The following COL5A2 variants were observed in gnomAD, a reference collection of about 807,000 sequenced individuals.
The protein encoded by COL5A2 is collagen type V alpha 2 chain.
A neutral mutation model predicts 208.2 loss-of-function variants in COL5A2; 23 were observed. That is an observed-to-expected ratio of 0.11 (90% confidence interval 0.08 to 0.16). The LOEUF (loss-of-function observed/expected upper bound fraction) is 0.16, where lower values mean the gene tolerates loss of function less well. COL5A2 is among the 10% of genes least tolerant of loss of function. The probability of loss-of-function intolerance (pLI) is 1.00; values close to 1 mark genes in which losing one functional copy is unlikely to be tolerated. For synonymous variants in COL5A2, 625 were observed against 628.5 expected (o/e 0.99, Z 0.08); for missense variants, 1,590 against 1,956.4 (o/e 0.81, Z 3.53).
chr2:189,090,278 C>T (rs958096686), intron 7 of COL5A2, among the ~76,000 whole-genome samples: 1 of 152,100 alleles, frequency 6.6e-6, no homozygotes, highest in Admixed American at 6.6e-5. Context: ...TAGAGCAAGG[C>T]CCTAACCCTC....
intron 14 of COL5A2, 91 bp from the exon 15 acceptor site, chr2:189,079,198 CAAAGAGGACATATG>C: frequency 3.0e-6 from 3 of 989,950 alleles, no homozygotes; most frequent in Non-Finnish European, 4.8e-6. Context: ...AGCATATTTT[CAAAGAGGACATATG>C]AAAGATGTAC....
chr2:189,179,947 CT>C (rs1688752477), upstream of COL5A2: 2 of 514,502 alleles, frequency 3.9e-6, no homozygotes, highest in African/African-American at 3.8e-5. Flanking sequence ...TTTCATTTAA[CT>C]TTTAAGCATA....
the COL5A2 span, among the ~76,000 whole-genome samples, chr2:189,331,385 C>T: frequency 1.3e-5 from 2 of 152,042 alleles, no homozygotes; most frequent in African/African-American, 4.8e-5. Context: ...AAAAATTAGC[C>T]AGGCATGGTG....
the COL5A2 span, among the ~76,000 whole-genome samples, chr2:189,409,497 A>C: frequency 6.6e-6 from 1 of 152,112 alleles, no homozygotes; most frequent in Admixed American, 6.5e-5. Context: ...AATTATCGTT[A>C]GTTTGTCATT....
At chr2:189,174,229 G>A (rs950279717) in intron 1 of COL5A2, among the ~76,000 whole-genome samples, 5 of 152,292 alleles carry the variant, frequency 3.3e-5, no homozygotes, top group East Asian at 1.9e-4. Flanking sequence ...GGCCTGTAGC[G>A]ATAGTGCTCA....
chr2:189,340,537 C>A, the COL5A2 span, among the ~76,000 whole-genome samples: 1 of 152,200 alleles, frequency 6.6e-6, no homozygotes, highest in Non-Finnish European at 1.5e-5. Flanking sequence ...GTGTCTTCAA[C>A]CTTGGCCTAG....
At chr2:189,147,187 C>G (rs1481533157) in intron 1 of COL5A2, among the ~76,000 whole-genome samples, 1 of 152,144 alleles carries the variant, frequency 6.6e-6, no homozygotes, top group Non-Finnish European at 1.5e-5. Context: ...GTCCAAAATA[C>G]TGGATCAAAT....
intron 10 of COL5A2, 75 bp downstream of exon 10, chr2:189,085,640 GATAA>G: frequency 8.1e-7 from 1 of 1,238,366 alleles, no homozygotes; most frequent in Non-Finnish European, 1.2e-6. Flanking sequence ...GACCTGGGAA[GATAA>G]ATAACTCAAT....
the COL5A2 span, among the ~76,000 whole-genome samples, chr2:189,438,783 A>G: frequency 1.3e-5 from 2 of 152,216 alleles, no homozygotes; most frequent in African/African-American, 4.8e-5. Flanking sequence ...CAAAGAAAGC[A>G]GATTTTATTG....
Position 189,110,545 on chromosome 2 carries a change from A to G in COL5A2, c.98-96T>C. On this transcript the variant is annotated intron_variant, in intron 1 of 53. Coordinates refer to ENST00000374866, the MANE Select transcript of COL5A2 (RefSeq NM_000393.5). ...TCTTGTGGATTCTAAAAAATTCTGG[A>G]CTAAGAAGTAACCTTCCAAGGAGCC... 6 of 1,112,240 alleles carry G rather than the reference A, an allele frequency of 5.4e-6. No homozygotes were observed. In the South Asian group the frequency reaches 6.6e-5, roughly 12 times the overall value. 68.9% of individuals were successfully genotyped at this position (1,112,240 alleles called of 1,614,324 possible).
At chr2:189,200,621 TCA>T (rs1023667663) in intron 1 of COL5A2, among the ~76,000 whole-genome samples, 2 of 144,890 alleles carry the variant, frequency 1.4e-5, no homozygotes, top group Non-Finnish European at 3.0e-5. Context: ...ATATACTGAT[TCA>T]AGTAGCTCAG....
chr2:189,179,417 C>T, intron 1 of COL5A2, 91 bp downstream of exon 1: 1 of 1,440,130 alleles, frequency 6.9e-7, no homozygotes, highest in Non-Finnish European at 9.6e-7. Flanking sequence ...AAACCAGAAC[C>T]TCCTCTTCAC....
the COL5A2 span, among the ~76,000 whole-genome samples, chr2:189,419,401 T>C: frequency 2.4e-4 from 37 of 152,186 alleles, no homozygotes; most frequent in Non-Finnish European, 4.9e-4. Context: ...AGGAACAAGA[T>C]GTTAAAATTC....
the COL5A2 span, among the ~76,000 whole-genome samples, chr2:189,343,287 A>G: frequency 6.6e-6 from 1 of 152,106 alleles, no homozygotes; most frequent in East Asian, 1.9e-4. Context: ...TAAGGACAGA[A>G]ATTCTCTGGC....
the COL5A2 span, among the ~76,000 whole-genome samples, chr2:189,347,895 A>G: frequency 6.6e-6 from 1 of 152,222 alleles, no homozygotes; most frequent in Non-Finnish European, 1.5e-5. Context: ...GTCTTTTCAC[A>G]TCCTGTTTTT....
the COL5A2 span, among the ~76,000 whole-genome samples, chr2:189,380,911 C>T: frequency 0.044 from 6,612 of 151,838 alleles, 174 homozygotes; most frequent in African/African-American, 0.064. Context: ...TGAGTACTTA[C>T]TGACAATGAA....
chr2:189,318,429 C>A, the COL5A2 span, among the ~76,000 whole-genome samples: 1 of 152,162 alleles, frequency 6.6e-6, no homozygotes, highest in African/African-American at 2.4e-5. Flanking sequence ...AGCCAACTCC[C>A]TCTACATGCC....
chr2:189,069,649 A>G (rs1348114118), intron 18 of COL5A2, among the ~76,000 whole-genome samples: 2 of 152,242 alleles, frequency 1.3e-5, no homozygotes, highest in African/African-American at 4.8e-5. Flanking sequence ...ATCAGCTAAA[A>G]TGTGCTGCAA....
chr2:189,074,390 T>C (rs538734174), intron 17 of COL5A2, among the ~76,000 whole-genome samples: 6 of 152,260 alleles, frequency 3.9e-5, no homozygotes, highest in African/African-American at 1.2e-4. Flanking sequence ...TAGTGCAAGA[T>C]GGTCTGAAGC....
Sources: allele counts gnomAD v4.1 joint callset (sites outside exome capture counted in the v4.1 genomes callset), GRCh38; gene constraint gnomAD v4.1.1; transcripts MANE v1.5; gene names NCBI Gene and HGNC (gene_info 2026-07-23, HGNC 2026-07-21).